LARS2: variants seen among roughly 807,000 people sequenced by gnomAD.
LARS2 encodes the protein leucine--tRNA ligase, mitochondrial.
A neutral mutation model predicts 116.6 loss-of-function variants in LARS2; 81 were observed. That is an observed-to-expected ratio of 0.69 (90% CI 0.58 to 0.84). The LOEUF (loss-of-function observed/expected upper bound fraction) is 0.84, where lower values mean the gene tolerates loss of function less well. LARS2 is among the 40% of genes least tolerant of loss of function. The pLI is 0.00. For synonymous variants in LARS2, 396 were observed against 407.2 expected, an observed-to-expected ratio of 0.97 and a Z score of 0.33; for missense variants, 968 against 1,114.5, an observed-to-expected ratio of 0.87 and a Z score of 1.87.
At chr3:45,440,043 G>T (rs984193957) in intron 6 of LARS2, among the ~76,000 whole-genome samples, 5 of 152,174 alleles carry the variant, frequency 3.3e-5, no homozygotes, top group Non-Finnish European at 5.9e-5. Flanking sequence ...GCTTAGTGTA[G>T]AGGACTTAGC....
intron 7 of LARS2, among the ~76,000 whole-genome samples, chr3:45,448,976 AT>A (rs981240656): frequency 6.6e-5 from 10 of 152,170 alleles, no homozygotes; most frequent in Admixed American, 5.9e-4. Context: ...TGAGACTGGT[AT>A]TTTAACAGTT....
chr3:45,405,044 G>A (rs1200489709), intron 4 of LARS2, among the ~76,000 whole-genome samples: 1 of 151,990 alleles, frequency 6.6e-6, no homozygotes, highest in East Asian at 1.9e-4. Flanking sequence ...TGTTTTATCT[G>A]CCCAGTAATA....
chr3:45,496,412 T>A, intron 14 of LARS2, 39 bp downstream of exon 14: 1 of 1,447,822 alleles, frequency 6.9e-7, no homozygotes, highest in Non-Finnish European at 9.7e-7. Flanking sequence ...CATTTGTCAG[T>A]GTGGCTCCTC....
intron 1 of LARS2, among the ~76,000 whole-genome samples, chr3:45,389,694 A>G (rs1247486296): frequency 2.0e-5 from 3 of 152,254 alleles, no homozygotes; most frequent in Non-Finnish European, 4.4e-5. Context: ...CTGAGCATCT[A>G]AGGACGGAAC....
At chr3:45,415,854 AAAAAAAAT>A (rs1698405706) in intron 4 of LARS2, among the ~76,000 whole-genome samples, 2 of 102,542 alleles carry the variant, frequency 2.0e-5, no homozygotes, top group African/African-American at 1.1e-4. Flanking sequence ...TCTCAAAAAA[AAAAAAAAT>A]ATATATATAT....
chr3:45,410,232 G>A (rs1284557189), intron 4 of LARS2, among the ~76,000 whole-genome samples: 1 of 151,926 alleles, frequency 6.6e-6, no homozygotes, highest in Non-Finnish European at 1.5e-5. Flanking sequence ...AAGCACAGCT[G>A]GAAGCTGCTC....
At chr3:45,475,431 G>A (rs1368217990) in intron 9 of LARS2, among the ~76,000 whole-genome samples, 3 of 152,218 alleles carry the variant, frequency 2.0e-5, no homozygotes, top group Admixed American at 6.5e-5. Context: ...AGAAGGTGGC[G>A]AGAGTTCTGA....
intron 15 of LARS2, 130 bp from the exon 16 acceptor site, chr3:45,513,005 C>T: frequency 1.4e-6 from 1 of 692,746 alleles, no homozygotes; most frequent in Non-Finnish European, 2.6e-6. Context: ...TTATAAGTGG[C>T]CTTGGTCAGC....
chr3:45,526,963 G>C (rs1172127964), intron 20 of LARS2, among the ~76,000 whole-genome samples: 1 of 152,156 alleles, frequency 6.6e-6, no homozygotes, highest in Non-Finnish European at 1.5e-5. Context: ...CAGCATGAAC[G>C]TAGTTCCCAG....
chr3:45,479,106 A>C (rs541969055), intron 10 of LARS2, among the ~76,000 whole-genome samples: 5 of 152,188 alleles, frequency 3.3e-5, no homozygotes, highest in African/African-American at 1.2e-4. Flanking sequence ...TTCAATTCTC[A>C]AACATGAGCT....
intron 21 of LARS2, among the ~76,000 whole-genome samples, chr3:45,545,214 C>T (rs1476899898): frequency 6.6e-6 from 1 of 152,224 alleles, no homozygotes. Context: ...AGAGTGAGAG[C>T]TCAGCAAATG....
intron 6 of LARS2, among the ~76,000 whole-genome samples, chr3:45,434,468 A>G (rs1399719486): frequency 4.6e-5 from 7 of 151,898 alleles, no homozygotes; most frequent in African/African-American, 9.7e-5. Flanking sequence ...GGGACTTTCT[A>G]TTTTCTCATT....
intron 7 of LARS2, among the ~76,000 whole-genome samples, chr3:45,455,709 A>T (rs985206840): frequency 6.6e-6 from 1 of 152,140 alleles, no homozygotes; most frequent in African/African-American, 2.4e-5. Flanking sequence ...TAACTGCAGT[A>T]CTATTCACAG....
intron 1 of LARS2, among the ~76,000 whole-genome samples, chr3:45,390,634 ATTATTTATTTATTTAT>A (rs373874105): frequency 1.0e-4 from 14 of 140,360 alleles, no homozygotes; most frequent in Admixed American, 7.1e-4. Flanking sequence ...TTTTATTTTT[ATTATTTATTTATTTAT>A]TTATTTATTT....
In LARS2 at chr3:45,396,201, C is replaced by T. The variant is rs192732191; in HGVS notation, c.234+1514C>T. Among the ~76,000 whole-genome samples, 19 of 152,244 alleles carry T rather than the reference C, an allele frequency of 1.2e-4. No homozygotes were observed. The East Asian group carries it at 3.7e-3, about 29-fold the overall frequency. On this transcript the variant is annotated intron_variant, in intron 3 of 21. Coordinates refer to ENST00000645846, the MANE Select transcript of LARS2 (RefSeq NM_015340.4). ...GCAATTGGGGAGATAGCATAAGGGG[C>T]ATTGTGTGTGATCCCCTGGCAGCCC...
intron 21 of LARS2, among the ~76,000 whole-genome samples, chr3:45,543,242 TTTTC>T (rs1376941864): frequency 2.0e-5 from 3 of 152,190 alleles, no homozygotes; most frequent in African/African-American, 7.2e-5. Context: ...AGGAAATTTC[TTTTC>T]TTTCTTTATT....
chr3:45,521,765 T>A (rs1033252493), intron 19 of LARS2, among the ~76,000 whole-genome samples: 2 of 152,112 alleles, frequency 1.3e-5, no homozygotes, highest in African/African-American at 2.4e-5. Flanking sequence ...TTTGTTTTTG[T>A]TTTTGTTTTT....
chr3:45,485,931 A>C, intron 11 of LARS2, 135 bp downstream of exon 11: 1 of 547,234 alleles, frequency 1.8e-6, no homozygotes, highest in Non-Finnish European at 3.3e-6. Flanking sequence ...AAAATGAATA[A>C]CCCTTCATTT....
intron 4 of LARS2, among the ~76,000 whole-genome samples, chr3:45,416,118 C>T (rs994354302): frequency 6.6e-6 from 1 of 151,058 alleles, no homozygotes; most frequent in African/African-American, 2.4e-5. Context: ...AAGGGATGAA[C>T]TTCAGTACTT....
Sources: gnomAD v4.1 joint callset for allele counts (sites outside exome capture counted in the v4.1 genomes callset) on GRCh38, gnomAD v4.1.1 for gene constraint, MANE v1.5 for transcripts, NCBI Gene and HGNC (gene_info 2026-07-23, HGNC 2026-07-21) for gene names.